SLC67A1: variants seen among roughly 807,000 people sequenced by gnomAD.
SLC67A1 encodes the protein solute carrier family 67 member 1.
At chr11:2,924,163 G>T in the SLC67A1 span, among the ~76,000 whole-genome samples, 1 of 152,252 alleles carries the variant, frequency 6.6e-6, no homozygotes, top group Admixed American at 6.5e-5. This position sits in a 1 kb window ranked among gnomAD's most constrained non-coding sequence, Gnocchi z 8.6. Flanking sequence ...CCACGTGCCC[G>T]TCCATGCTGC....
chr11:2,902,390 C>T, the SLC67A1 span: 1 of 161,008 alleles, frequency 6.2e-6, no homozygotes, highest in Non-Finnish European at 1.3e-5. Flanking sequence ...CCGGAGAGGG[C>T]GGCCTCTGAG....
the SLC67A1 span, chr11:2,922,462 C>T: frequency 1.9e-6 from 3 of 1,612,276 alleles, no homozygotes; most frequent in Admixed American, 5.0e-5. Context: ...TCTTCCACTT[C>T]TGCCTCCTGG....
At chr11:2,917,685 C>T in the SLC67A1 span, among the ~76,000 whole-genome samples, 8 of 152,354 alleles carry the variant, frequency 5.3e-5, no homozygotes, top group Non-Finnish European at 7.4e-5. Flanking sequence ...CGCAGGCCTC[C>T]GCCACTGCAT....
chr11:2,922,109 A>G, the SLC67A1 span: 1 of 1,612,860 alleles, frequency 6.2e-7, no homozygotes, highest in East Asian at 2.2e-5. Context: ...TAGGTGACCC[A>G]GGGCCTGGTC....
the SLC67A1 span, chr11:2,922,247 T>A: frequency 4.5e-6 from 7 of 1,571,858 alleles, no homozygotes; most frequent in Non-Finnish European, 6.1e-6. Context: ...ACCCTCTCAC[T>A]GGGCAAGGCC....
At chr11:2,903,518 C>T in the SLC67A1 span, 2 of 1,611,572 alleles carry the variant, frequency 1.2e-6, no homozygotes, top group South Asian at 2.2e-5. Context: ...CCCCTGCAGC[C>T]CCAGCCAGGG....
the SLC67A1 span, chr11:2,916,995 C>A: frequency 1.9e-6 from 1 of 536,954 alleles, no homozygotes; most frequent in Admixed American, 3.5e-5. Flanking sequence ...ACAGGGAAGG[C>A]GTTAGGAGGG....
At chr11:2,918,004 T>G in the SLC67A1 span, 13 of 1,613,036 alleles carry the variant, frequency 8.1e-6, no homozygotes, top group African/African-American at 1.7e-4. Context: ...CCCGGGCCAG[T>G]GTGTTCGACC....
the SLC67A1 span, chr11:2,917,918 C>A: frequency 7.9e-7 from 1 of 1,259,780 alleles, no homozygotes; most frequent in Non-Finnish European, 1.1e-6. Context: ...AATGGCGAGG[C>A]CTGCAGCCGG....
At chr11:2,916,666 G>A in the SLC67A1 span, 1 of 1,612,936 alleles carries the variant, frequency 6.2e-7, no homozygotes, top group Admixed American at 1.7e-5. Context: ...ACCCTCCTGG[G>A]AGCTGTCCTC....
chr11:2,915,719 G>A, the SLC67A1 span, among the ~76,000 whole-genome samples: 1 of 152,176 alleles, frequency 6.6e-6, no homozygotes, highest in Non-Finnish European at 1.5e-5. Flanking sequence ...TGAGAGGAAG[G>A]CCGTGGCGGT....
At chr11:2,905,544 T>C in the SLC67A1 span, among the ~76,000 whole-genome samples, 1 of 152,274 alleles carries the variant, frequency 6.6e-6, no homozygotes, top group South Asian at 2.1e-4. Flanking sequence ...CCATGGTTTA[T>C]ATGTGCCACA....
At chr11:2,908,352 G>C in the SLC67A1 span, 1 of 1,569,552 alleles carries the variant, frequency 6.4e-7, no homozygotes, top group Non-Finnish European at 8.7e-7. Flanking sequence ...GTGTGTACAG[G>C]GGCTCTCCCC....
chr11:2,914,533 C>A, the SLC67A1 span: 1 of 169,254 alleles, frequency 5.9e-6, no homozygotes, highest in African/African-American at 2.4e-5. Flanking sequence ...CCAGCAGCCA[C>A]CCACGGCCCC....
the SLC67A1 span, among the ~76,000 whole-genome samples, chr11:2,906,664 A>G: frequency 6.9e-6 from 1 of 145,506 alleles, no homozygotes; most frequent in Non-Finnish European, 1.5e-5. Context: ...GAATTGAACA[A>G]TGAGAACACC....
the SLC67A1 span, chr11:2,922,410 A>G: frequency 6.2e-7 from 1 of 1,605,200 alleles, no homozygotes; most frequent in Non-Finnish European, 8.5e-7. Context: ...GCCCCCACTC[A>G]GCTCGGCCCC....
the SLC67A1 span, chr11:2,903,272 C>T: frequency 2.5e-6 from 4 of 1,572,600 alleles, no homozygotes; most frequent in African/African-American, 4.0e-5. Context: ...CCCGGATCAA[C>T]TGGACTTTTG....
At chr11:2,907,452 G>A in the SLC67A1 span, among the ~76,000 whole-genome samples, 327 of 152,214 alleles carry the variant, frequency 2.1e-3, no homozygotes, top group Non-Finnish European at 3.1e-3. The surrounding 1 kb of genome is among the most constrained non-coding windows in gnomAD (Gnocchi z 6.7). Context: ...TTTTTACAAC[G>A]TCATCCATCC....
the SLC67A1 span, chr11:2,902,684 G>A: frequency 1.0e-6 from 1 of 976,860 alleles, no homozygotes; most frequent in Non-Finnish European, 1.2e-6. Flanking sequence ...GCCGGGCGGG[G>A]AAGGGTGGGG....
Sources: gnomAD v4.1 joint callset for allele counts (sites outside exome capture counted in the v4.1 genomes callset) on GRCh38, gnomAD v4.1.1 for gene constraint, Gnocchi (gnomAD v3.1) non-coding constraint, MANE v1.5 for transcripts, NCBI Gene and HGNC (gene_info 2026-07-23, HGNC 2026-07-21) for gene names.